The following ZNF804B variants were observed in gnomAD, a reference collection of about 807,000 sequenced individuals.
ZNF804B encodes the protein zinc finger 804B.
In ZNF804B, 80 loss-of-function variants were observed where a neutral mutation model predicts 101.4. The observed-to-expected ratio is 0.79, with a 90% CI of 0.66 to 0.95. The LOEUF (loss-of-function observed/expected upper bound fraction) is 0.95. Ranked by LOEUF, ZNF804B falls within the 40% of genes least tolerant of loss-of-function variation. ZNF804B has a pLI of 0.00. For synonymous variants in ZNF804B, 622 were observed against 558.8 expected, an observed-to-expected ratio of 1.11 and a Z score of -1.59; for missense variants, 1,673 against 1,561.9, an observed-to-expected ratio of 1.07 and a Z score of -1.20.
chr7:89,254,652 T>A (rs1308952465), intron 2 of ZNF804B, among the ~76,000 whole-genome samples: 1 of 106,706 alleles, frequency 9.4e-6, no homozygotes, highest in Non-Finnish European at 2.0e-5. Flanking sequence ...ATTTTTATTA[T>A]TTTTTTTTTT....
intron 1 of ZNF804B, among the ~76,000 whole-genome samples, chr7:89,036,427 T>G (rs979506295): frequency 6.6e-6 from 1 of 151,920 alleles, no homozygotes; most frequent in African/African-American, 2.4e-5. Flanking sequence ...TAAATAAAAT[T>G]ATGGTAATTT....
At chr7:89,220,301 T>A (rs1479529936) in intron 2 of ZNF804B, among the ~76,000 whole-genome samples, 1 of 151,456 alleles carries the variant, frequency 6.6e-6, no homozygotes, top group Non-Finnish European at 1.5e-5. Flanking sequence ...TGAGATAAAC[T>A]GTTTTAGGAT....
chr7:88,906,152 CT>C (rs893593152), intron 1 of ZNF804B, among the ~76,000 whole-genome samples: 24 of 151,524 alleles, frequency 1.6e-4, no homozygotes, highest in Non-Finnish European at 2.9e-4. Flanking sequence ...TTATTTGGAT[CT>C]TTTTTTTCTT....
chr7:89,231,349 G>A (rs545315855), intron 2 of ZNF804B, among the ~76,000 whole-genome samples: 1 of 152,130 alleles, frequency 6.6e-6, no homozygotes, highest in South Asian at 2.1e-4. Context: ...CTTATTTGCT[G>A]TAACTTTATA....
chr7:88,863,882 G>A (rs1403826492), intron 1 of ZNF804B, among the ~76,000 whole-genome samples: 3 of 152,176 alleles, frequency 2.0e-5, no homozygotes, highest in East Asian at 1.9e-4. Context: ...TGGCCGTCAC[G>A]TGCCTGTCTC....
chr7:89,067,369 T>A (rs1362141750), intron 1 of ZNF804B, among the ~76,000 whole-genome samples: 1 of 152,152 alleles, frequency 6.6e-6, no homozygotes, highest in Non-Finnish European at 1.5e-5. Flanking sequence ...CAGGATAATC[T>A]CCTTCATTTA....
intron 1 of ZNF804B, among the ~76,000 whole-genome samples, chr7:89,008,397 G>A (rs1788401606): frequency 6.6e-6 from 1 of 152,114 alleles, no homozygotes; most frequent in African/African-American, 2.4e-5. Context: ...TTTCATTGAT[G>A]AGCCTTGTTT....
intron 1 of ZNF804B, among the ~76,000 whole-genome samples, chr7:89,067,746 G>A (rs1430454251): frequency 1.3e-5 from 2 of 151,994 alleles, no homozygotes; most frequent in African/African-American, 4.8e-5. Flanking sequence ...AACAGCCTGA[G>A]TTCAAAGCCA....
At chr7:88,771,646 A>C (rs1025966364) in intron 1 of ZNF804B, among the ~76,000 whole-genome samples, 1 of 152,132 alleles carries the variant, frequency 6.6e-6, no homozygotes, top group Non-Finnish European at 1.5e-5. Flanking sequence ...GAAACAATTA[A>C]ATAAGAGAAT....
At chr7:89,125,733 C>T (rs1790467231) in intron 1 of ZNF804B, among the ~76,000 whole-genome samples, 1 of 152,094 alleles carries the variant, frequency 6.6e-6, no homozygotes, top group African/African-American at 2.4e-5. Flanking sequence ...GAGTTAACAA[C>T]AGTAGCCTGT....
chr7:89,098,533 A>G (rs1412162418), intron 1 of ZNF804B, among the ~76,000 whole-genome samples: 4 of 152,064 alleles, frequency 2.6e-5, no homozygotes, highest in South Asian at 2.1e-4. Context: ...CAGCCTCCCA[A>G]AGTGCTGGGA....
chr7:88,844,813 C>T (rs888298948), intron 1 of ZNF804B, among the ~76,000 whole-genome samples: 5 of 152,056 alleles, frequency 3.3e-5, no homozygotes, highest in African/African-American at 1.2e-4. Flanking sequence ...TCTTATATTT[C>T]CCCTGGTTTA....
intron 1 of ZNF804B, among the ~76,000 whole-genome samples, chr7:88,868,448 A>C (rs899802925): frequency 3.9e-5 from 6 of 152,344 alleles, no homozygotes; most frequent in African/African-American, 1.4e-4. Context: ...AGTTCTCCAA[A>C]TAGGAGAAAA....
At chr7:88,775,779 G>T (rs1247557355) in intron 1 of ZNF804B, among the ~76,000 whole-genome samples, 2 of 152,122 alleles carry the variant, frequency 1.3e-5, no homozygotes, top group Non-Finnish European at 2.9e-5. Context: ...TGAAATATGA[G>T]CCCTTTCCAG....
intron 1 of ZNF804B, among the ~76,000 whole-genome samples, chr7:88,849,493 G>A (rs994661529): frequency 6.6e-6 from 1 of 151,056 alleles, no homozygotes; most frequent in African/African-American, 2.4e-5. Flanking sequence ...TGTATTAAAA[G>A]GTATTTTTTT....
intron 2 of ZNF804B, among the ~76,000 whole-genome samples, chr7:89,313,571 A>G (rs1323349548): frequency 6.6e-6 from 1 of 152,156 alleles, no homozygotes; most frequent in Non-Finnish European, 1.5e-5. Flanking sequence ...TTGATTCTTC[A>G]CTTATTTATT....
At chr7:88,954,163 A>G (rs1470966643) in intron 1 of ZNF804B, among the ~76,000 whole-genome samples, 1 of 151,786 alleles carries the variant, frequency 6.6e-6, no homozygotes, top group Non-Finnish European at 1.5e-5. Flanking sequence ...CTTGGATACA[A>G]TTTTTTGAGT....
chr7:89,141,401 A>G (rs1338886177), intron 1 of ZNF804B, among the ~76,000 whole-genome samples: 1 of 152,056 alleles, frequency 6.6e-6, no homozygotes, highest in Non-Finnish European at 1.5e-5. Flanking sequence ...GTGAAGCACA[A>G]TAAAGTGTGG....
At chr7:88,925,278 C>T (rs565939489) in intron 1 of ZNF804B, among the ~76,000 whole-genome samples, 5 of 152,242 alleles carry the variant, frequency 3.3e-5, no homozygotes, top group South Asian at 2.1e-4. Flanking sequence ...GTGCCACTGC[C>T]GAGGCGACTG....
Sources: gnomAD v4.1 joint callset for allele counts (sites outside exome capture counted in the v4.1 genomes callset) on GRCh38, gnomAD v4.1.1 for gene constraint, MANE v1.5 for transcripts, NCBI Gene and HGNC (gene_info 2026-07-23, HGNC 2026-07-21) for gene names.